The following PLA2G4B variants were observed in gnomAD, a reference collection of about 807,000 sequenced individuals.
PLA2G4B encodes the protein cytosolic phospholipase A2 beta.
In PLA2G4B, 122 loss-of-function variants were observed where a neutral mutation model predicts 95.8. That is an observed-to-expected ratio of 1.27 (90% CI 1.10 to 1.48). The LOEUF (loss-of-function observed/expected upper bound fraction) is 1.48, where lower values mean the gene tolerates loss of function less well. Ranked by LOEUF, PLA2G4B falls within the 40% of genes most tolerant of loss-of-function variation. The probability of loss-of-function intolerance (pLI) is 0.00; values close to 1 mark genes in which losing one functional copy is unlikely to be tolerated. For synonymous variants in PLA2G4B, 518 were observed against 421.5 expected (o/e 1.23, Z -2.80); for missense variants, 1,158 against 996.2 (o/e 1.16, Z -2.19).
intron 4 of PLA2G4B, 23 bp from the exon 5 acceptor site, chr15:41,841,032 C>T (rs1241867078): frequency 3.8e-6 from 6 of 1,570,196 alleles, no homozygotes; most frequent in Non-Finnish European, 5.2e-6. Context: ...CCCTTTCTAA[C>T]TTACTTCTGG....
At chr15:41,843,550 C>T (rs546069783) in intron 10 of PLA2G4B, 126 bp from the exon 11 acceptor site, 22 of 1,486,262 alleles carry the variant, frequency 1.5e-5, no homozygotes, top group East Asian at 7.0e-5. Context: ...TCTTGTGACA[C>T]GGGAGTGGCA....
chr15:41,847,508 G>A lies in PLA2G4B; in HGVS notation c.2119G>A (p.Glu707Lys), dbSNP rs755146765. 66 of 1,606,296 alleles carry A rather than the reference G, an allele frequency of 4.1e-5. 1 individual carries two copies. The Admixed American group carries it at 8.2e-4, about 20-fold the overall frequency. Reference protein sequence around the residue: ...HFPLVSDSFREYSAPGVRRTP... With the variant: ...HFPLVSDSFRKYSAPGVRRTP... ...TCCTCTGGTCAGCGACTCCTTCCGG[G>A]AGTACTCGGCCCCTGGTGAGCTGCT... The change falls in exon 19 of 20, where the codon GAG becomes AAG. Residue 707 changes from glutamate to lysine, a missense_variant. By Grantham distance (56) the Glu-to-Lys change is moderately conservative. Coordinates refer to ENST00000458483, the MANE Select transcript of PLA2G4B (RefSeq NM_001114633.2).
intron 6 of PLA2G4B, 102 bp from the exon 7 acceptor site, chr15:41,841,415 C>T: frequency 6.2e-7 from 1 of 1,608,290 alleles, no homozygotes; most frequent in Non-Finnish European, 8.5e-7. Flanking sequence ...CTCAAGGGCC[C>T]AGGTAATGAA....
chr15:41,843,728 G>A lies in PLA2G4B; in HGVS notation c.796G>A (p.Ala266Thr). ...LGFGPCAEEQ[A>T]FLSRRKQVVA... Reference sequence around the variant, plus strand: ...CTTCGGGCCCTGTGCAGAGGAGCAGGCCTTCCTGAGCAGGAGGAAGCAGGT... The same window carrying A: ...CTTCGGGCCCTGTGCAGAGGAGCAGACCTTCCTGAGCAGGAGGAAGCAGGT... Residue 266 changes from alanine (A) to threonine (T), a missense_variant, in exon 11 of 20, where the codon GCC becomes ACC. By Grantham distance (58) the Ala-to-Thr change is moderately conservative. Transcript: ENST00000458483. The A allele has an allele frequency of 6.2e-7, 1 of 1,614,102 alleles. No homozygotes were observed. The highest frequency in any genetic ancestry group is 8.5e-7 in the Non-Finnish European group (1 of 1,180,004).
intron 1 of PLA2G4B, 147 bp from the exon 2 acceptor site, chr15:41,840,011 T>G: frequency 1.1e-6 from 1 of 886,564 alleles, no homozygotes; most frequent in Non-Finnish European, 1.7e-6. Flanking sequence ...TCATGTCTCC[T>G]CTTGTTGATT....
chr15:41,844,323 C>T, intron 11 of PLA2G4B, 148 bp from the exon 12 acceptor site: 4 of 1,378,552 alleles, frequency 2.9e-6, no homozygotes, highest in Non-Finnish European at 4.0e-6. Context: ...GTTTCTGGCC[C>T]CCAGGGCTGA....
Position 41,843,692 on chromosome 15 carries a change from G to A in PLA2G4B, c.760G>A (p.Val254Met), listed in dbSNP as rs572516362. The A allele has an allele frequency of 1.9e-5, 31 of 1,613,594 alleles. No homozygotes were observed. The highest frequency in any genetic ancestry group is 1.3e-4 in the East Asian group (6 of 44,870). Residue 254 changes from valine to methionine, a missense_variant, in exon 11 of 20, where the codon GTG becomes ATG. Val to Met is a conservative substitution (Grantham distance 21). Transcript: ENST00000458483. Reference sequence around the variant, plus strand: ...CCCGGCCAGACTGAGGGAGCTGGCCGTGCGACTGGGCTTCGGGCCCTGTGC... The same window carrying A: ...CCCGGCCAGACTGAGGGAGCTGGCCATGCGACTGGGCTTCGGGCCCTGTGC... ...KKEAGLRELA[V>M]RLGFGPCAEE...
chr15:41,842,076 T>A lies in PLA2G4B; in HGVS notation c.622-117T>A, dbSNP rs1337373626. 3.2e-6 allele frequency: 5 copies of A among 1,563,912 alleles called. No individual in the cohort carries two copies. The African/African-American group carries it at 6.8e-5, about 21-fold the overall frequency. ...CCTGGCAGCATGTGTGGGCCCATGC[T>A]GGCCTCCCCTTCCCGTCCCTCCCAT... On this transcript the variant is annotated intron_variant, in intron 8 of 19. Coordinates refer to ENST00000458483, the MANE Select transcript of PLA2G4B (RefSeq NM_001114633.2).
intron 7 of PLA2G4B, 62 bp downstream of exon 7, chr15:41,841,633 A>G: frequency 1.9e-6 from 3 of 1,608,532 alleles, no homozygotes; most frequent in Admixed American, 3.4e-5. Context: ...CCCTTTAAGC[A>G]TTGGACAATT....
intron 6 of PLA2G4B, 21 bp downstream of exon 6, chr15:41,841,294 G>A (rs763987833): frequency 1.2e-6 from 2 of 1,612,018 alleles, no homozygotes; most frequent in African/African-American, 2.7e-5. Context: ...CAGTGCTCTG[G>A]GAGGCGGTCT....
At chr15:41,843,539 G>A (rs917557062) in intron 10 of PLA2G4B, 137 bp from the exon 11 acceptor site, 3 of 1,470,020 alleles carry the variant, frequency 2.0e-6, no homozygotes, top group Non-Finnish European at 2.7e-6. Context: ...TCAAACTTCA[G>A]TCTTGTGACA....
rs769631668 is a variant in PLA2G4B at position 41,847,638 on chromosome 15, T to A, written c.2135-11T>A. On this transcript the variant is annotated splice_polypyrimidine_tract_variant and intron_variant, in intron 19 of 19. Transcript: ENST00000458483. ...ACGTGTTCCCCATGCCAGGCTGCAC[T>A]CTCTCCACAGGGGTCCGGCGGACAC... The A allele has an allele frequency of 6.2e-6, 10 of 1,613,482 alleles. No individual in the cohort carries two copies. Among genetic ancestry groups the A allele is most frequent in the Non-Finnish European group, 8.5e-6 (10 of 1,179,970 alleles).
At chr15:41,838,982 G>C (rs900233121) in intron 1 of PLA2G4B, 60 bp downstream of exon 1, 11 of 1,381,470 alleles carry the variant, frequency 8.0e-6, no homozygotes, top group Non-Finnish European at 1.1e-5. Context: ...CTGGGGCCTA[G>C]TTAATATGTT....
chr15:41,841,018 C>T, intron 4 of PLA2G4B, 37 bp from the exon 5 acceptor site: 1 of 1,570,016 alleles, frequency 6.4e-7, no homozygotes, highest in African/African-American at 1.3e-5. Flanking sequence ...TGCACTCCTT[C>T]TGACCCTTTC....
At chr15:41,840,044 A>T in intron 1 of PLA2G4B, 114 bp from the exon 2 acceptor site, 1 of 1,151,326 alleles carries the variant, frequency 8.7e-7, no homozygotes, top group Non-Finnish European at 1.2e-6. Context: ...GAGATGGAGG[A>T]TGGGCCTGGG....
At position 41,844,968 on chromosome 15, in the gene PLA2G4B, G is replaced by A; in HGVS notation, c.1137G>A (p.Leu379=). Residue 379 remains leucine, a synonymous_variant, in exon 13 of 20, where the codon CTG becomes CTA. Coordinates refer to ENST00000458483, the MANE Select transcript of PLA2G4B (RefSeq NM_001114633.2). The stretch of plus-strand genomic sequence containing the variant: ...TGGGTGTGCTGGCCCCCAGCCAGCT[G>A]CAGCGGTACCGGCAGGAGCTGGCCG... ...NKLGVLAPSQ[L]QRYRQELAER... The A allele has an allele frequency of 6.2e-7, 1 of 1,611,576 alleles. No homozygotes were observed. The highest frequency in any genetic ancestry group is 1.1e-5 in the South Asian group (1 of 90,562).
rs762334203 is a variant in PLA2G4B at position 41,846,783 on chromosome 15, G to A, written c.1895G>A (p.Arg632Gln). ...TSCLPLLQPT[R>Q]DVDLILSLDY... Reference sequence around the variant, plus strand: ...TGCCTGCCCCTCCTGCAGCCCACTCGGGACGTGGACCTCATCCTGTCATTG... The same window carrying A: ...TGCCTGCCCCTCCTGCAGCCCACTCAGGACGTGGACCTCATCCTGTCATTG... The change falls in exon 18 of 20, where the codon CGG becomes CAG. Residue 632 changes from arginine to glutamine, a missense_variant. By Grantham distance (43) the Arg-to-Gln change is conservative. Coordinates refer to ENST00000458483, the MANE Select transcript of PLA2G4B (RefSeq NM_001114633.2). The A allele has an allele frequency of 4.5e-5, 73 of 1,613,898 alleles. No individual in the cohort carries two copies. The highest frequency in any genetic ancestry group is 1.7e-4 in the Middle Eastern group (1 of 6,060).
Position 41,847,731 on chromosome 15 carries a change from G to C in PLA2G4B, c.2217G>C (p.Val739=). 1 of 1,611,936 alleles carries C rather than the reference G, an allele frequency of 6.2e-7. No individual in the cohort carries two copies. Among genetic ancestry groups the C allele is most frequent in the Non-Finnish European group, 8.5e-7 (1 of 1,180,028 alleles). The change falls in exon 20 of 20, where the codon GTG becomes GTC. Residue 739 remains valine, a synonymous_variant. Coordinates refer to ENST00000458483, the MANE Select transcript of PLA2G4B (RefSeq NM_001114633.2). ...ACTCTCCCTACCACTACACGAAGGT[G>C]ACCTACAGCCAGGAGGACGTGGACA... is the stretch of plus-strand genomic sequence containing the variant. The part of the protein sequence containing the change: ...SSDSPYHYTK[V]TYSQEDVDKL...
Position 41,843,716 on chromosome 15 carries a change from G to A in PLA2G4B, c.784G>A (p.Ala262Thr). ...LAVRLGFGPCAEEQAFLSRRK... is the reference protein window; with the variant it reads ...LAVRLGFGPCTEEQAFLSRRK... Reference sequence around the variant, plus strand: ...CGTGCGACTGGGCTTCGGGCCCTGTGCAGAGGAGCAGGCCTTCCTGAGCAG... The same window carrying A: ...CGTGCGACTGGGCTTCGGGCCCTGTACAGAGGAGCAGGCCTTCCTGAGCAG... The change falls in exon 11 of 20, where the codon GCA becomes ACA. Residue 262 changes from alanine to threonine, a missense_variant. Physicochemically the swap from Ala to Thr is moderately conservative, Grantham distance 58. Coordinates refer to ENST00000458483, the MANE Select transcript of PLA2G4B (RefSeq NM_001114633.2). 6.2e-7 allele frequency: 1 copy of A among 1,614,028 alleles called. No individual in the cohort carries two copies. The highest frequency in any genetic ancestry group is 8.5e-7 in the Non-Finnish European group (1 of 1,180,008).
Sources: allele counts gnomAD v4.1 joint callset, GRCh38; gene constraint gnomAD v4.1.1; transcripts MANE v1.5; gene names NCBI Gene and HGNC (gene_info 2026-07-23, HGNC 2026-07-21).